SPEF2: variants seen among roughly 807,000 people sequenced by gnomAD.
The protein encoded by SPEF2 is sperm flagellar and cilia associated 2, also known as sperm flagella and cilia-associated protein 2.
A neutral mutation model predicts 224.6 loss-of-function variants in SPEF2; 187 were observed. The ratio of observed to expected loss-of-function variants is 0.83; its 90% CI spans 0.74 to 0.94. The LOEUF (loss-of-function observed/expected upper bound fraction) is 0.94, where lower values mean the gene tolerates loss of function less well. SPEF2 is among the 40% of genes least tolerant of loss of function. The pLI is 0.00. For synonymous variants in SPEF2, 715 were observed against 707.3 expected (o/e 1.01, Z -0.17); for missense variants, 2,170 against 2,135.6 (o/e 1.02, Z -0.32).
chr5:35,712,909 T>C (rs1450429882), intron 20 of SPEF2, 23 bp downstream of exon 20: 11 of 1,584,912 alleles, frequency 6.9e-6, no homozygotes, highest in Non-Finnish European at 9.5e-6. Context: ...AAAATATATA[T>C]AATTACATGT....
chr5:35,747,284 A>AC (rs1748691199), intron 23 of SPEF2, among the ~76,000 whole-genome samples: 1 of 152,144 alleles, frequency 6.6e-6, no homozygotes, highest in African/African-American at 2.4e-5. Context: ...AACAAAAAAA[A>AC]CCAAAAGTAC....
chr5:35,714,213 C>G (rs1424821255), intron 20 of SPEF2, among the ~76,000 whole-genome samples: 1 of 150,436 alleles, frequency 6.6e-6, no homozygotes. Flanking sequence ...GATTTTAATT[C>G]TTATGACTTG....
chr5:35,693,893 G>A (rs995440201), intron 12 of SPEF2, among the ~76,000 whole-genome samples: 3 of 152,106 alleles, frequency 2.0e-5, no homozygotes, highest in African/African-American at 7.2e-5. Flanking sequence ...TAAAGTAATA[G>A]ATAATGTACA....
At chr5:35,728,346 G>A (rs1015068805) in intron 21 of SPEF2, among the ~76,000 whole-genome samples, 1 of 152,174 alleles carries the variant, frequency 6.6e-6, no homozygotes, top group African/African-American at 2.4e-5. Flanking sequence ...TGAAAGCTCC[G>A]CCTAGCTCAA....
At chr5:35,642,934 C>T (rs1267844156) in intron 3 of SPEF2, among the ~76,000 whole-genome samples, 1 of 152,114 alleles carries the variant, frequency 6.6e-6, no homozygotes. Flanking sequence ...TTATTGCATT[C>T]GGCCTCCTTC....
At chr5:35,713,328 C>T (rs2149603670) in intron 20 of SPEF2, among the ~76,000 whole-genome samples, 1 of 152,222 alleles carries the variant, frequency 6.6e-6, no homozygotes, top group South Asian at 2.1e-4. Context: ...ATACTGTTAA[C>T]TAAAGCAGAA....
chr5:35,764,811 C>T (rs1561328457), intron 26 of SPEF2: 2 of 437,120 alleles, frequency 4.6e-6, no homozygotes, highest in African/African-American at 4.1e-5. Context: ...CTTCCTCCCT[C>T]TCTTTCTTTT....
chr5:35,777,101 A>C (rs1193091411), intron 29 of SPEF2, among the ~76,000 whole-genome samples: 1 of 152,236 alleles, frequency 6.6e-6, no homozygotes, highest in Non-Finnish European at 1.5e-5. Context: ...CCCTAGATCT[A>C]GATTCCAAGA....
intron 20 of SPEF2, among the ~76,000 whole-genome samples, chr5:35,726,621 G>A (rs1168685604): frequency 5.3e-5 from 8 of 152,122 alleles, no homozygotes; most frequent in South Asian, 2.1e-4. Context: ...ACATAAAAGC[G>A]GAAGATGTAT....
At chr5:35,647,104 G>A (rs1747484605) in intron 5 of SPEF2, among the ~76,000 whole-genome samples, 2 of 152,246 alleles carry the variant, frequency 1.3e-5, no homozygotes, top group South Asian at 4.1e-4. Context: ...AGGTCAGAAT[G>A]GGTGCTGTTG....
Position 35,670,062 on chromosome 5 carries a change from G to GC in SPEF2, c.1359_1360insC (p.Ile454HisfsTer4). Reference sequence around the variant, plus strand: ...CTACCTTTTTTTTGTGCGATAGTCTGATTCCGTATAAGTTGATGCATGATT... The same window carrying GC: ...CTACCTTTTTTTTGTGCGATAGTCTGCATTCCGTATAAGTTGATGCATGATT... On this transcript the variant is annotated frameshift_variant, in exon 10 of 37. Coordinates refer to ENST00000356031, the MANE Select transcript of SPEF2 (RefSeq NM_024867.4). LOFTEE classifies it high-confidence loss of function. 1.9e-6 allele frequency: 3 copies of GC among 1,596,428 alleles called. No homozygotes were observed. Among genetic ancestry groups the GC allele is most frequent in the Non-Finnish European group, 2.6e-6 (3 of 1,173,654 alleles).
At chr5:35,640,707 G>A (rs1396355509) in intron 2 of SPEF2, among the ~76,000 whole-genome samples, 3 of 151,942 alleles carry the variant, frequency 2.0e-5, no homozygotes, top group African/African-American at 4.8e-5. Context: ...GATTGATGCC[G>A]CATAATACAC....
chr5:35,800,900 C>A (rs751439048), intron 34 of SPEF2, among the ~76,000 whole-genome samples: 1 of 152,162 alleles, frequency 6.6e-6, no homozygotes, highest in Non-Finnish European at 1.5e-5. Flanking sequence ...ACACTTCCAT[C>A]CTTTTCACAC....
rs149626058 is a variant in SPEF2, at chr5:35,732,320, G to A, written c.3063+4497G>A. The stretch of plus-strand genomic sequence containing the variant: ...TAGGAGGCAACTCTTCATGCACACA[G>A]TGTTGATTAATGGATTGAAGTTGAC... On this transcript the variant is annotated intron_variant, in intron 21 of 36. Transcript: ENST00000356031. Among the ~76,000 whole-genome samples the A allele has an allele frequency of 5.9e-5, 9 of 152,326 alleles. No homozygotes were observed. In the East Asian group the frequency reaches 1.5e-3, roughly 26 times the overall value.
chr5:35,715,691 T>A (rs1054727040), intron 20 of SPEF2, among the ~76,000 whole-genome samples: 1 of 152,162 alleles, frequency 6.6e-6, no homozygotes, highest in Non-Finnish European at 1.5e-5. Flanking sequence ...GATCTCCATG[T>A]CTGCCTTCTA....
chr5:35,634,763 T>A (rs570030877), intron 2 of SPEF2, among the ~76,000 whole-genome samples: 3 of 152,142 alleles, frequency 2.0e-5, no homozygotes, highest in Non-Finnish European at 2.9e-5. Context: ...TCCTATATTG[T>A]ACATATCTAT....
At chr5:35,774,835 A>G (rs887136393) in intron 28 of SPEF2, among the ~76,000 whole-genome samples, 2 of 152,104 alleles carry the variant, frequency 1.3e-5, no homozygotes, top group Non-Finnish European at 2.9e-5. Context: ...ACCCACTTCT[A>G]AAACCCCAAC....
intron 26 of SPEF2, among the ~76,000 whole-genome samples, chr5:35,767,396 C>T (rs565350245): frequency 1.3e-5 from 2 of 151,304 alleles, no homozygotes; most frequent in Admixed American, 6.6e-5. Context: ...CTTTTTTTCC[C>T]CTCTGTAAGT....
At chr5:35,636,123 G>A (rs1745803667) in intron 2 of SPEF2, among the ~76,000 whole-genome samples, 2 of 151,992 alleles carry the variant, frequency 1.3e-5, no homozygotes, top group South Asian at 2.1e-4. Context: ...TTGTTTGTTT[G>A]TTTGTTTAGT....
Sources: gnomAD v4.1 joint callset for allele counts (sites outside exome capture counted in the v4.1 genomes callset) on GRCh38, gnomAD v4.1.1 for gene constraint, MANE v1.5 for transcripts, NCBI Gene and HGNC (gene_info 2026-07-23, HGNC 2026-07-21) for gene names.